Variants in VWA3A observed in about 807,000 individuals in gnomAD.
VWA3A encodes the protein von Willebrand factor A domain-containing protein 3A.
A neutral mutation model predicts 160.4 loss-of-function variants in VWA3A; 134 were observed. That is an observed-to-expected ratio of 0.84 (90% CI 0.73 to 0.96). The LOEUF (loss-of-function observed/expected upper bound fraction) is 0.96. Ranked by LOEUF, VWA3A falls within the 40% of genes least tolerant of loss-of-function variation. The probability of loss-of-function intolerance (pLI) is 0.00; values close to 1 mark genes in which losing one functional copy is unlikely to be tolerated. For missense variants in VWA3A, 1,310 were observed against 1,447.9 expected, an observed-to-expected ratio of 0.90 and a Z score of 1.55; for synonymous variants, 476 against 543.4, an observed-to-expected ratio of 0.88 and a Z score of 1.72.
At chr16:22,115,301 A>G (rs762746763) in intron 8 of VWA3A, 46 bp from the exon 9 acceptor site, 1 of 1,524,692 alleles carries the variant, frequency 6.6e-7, no homozygotes, top group Non-Finnish European at 8.8e-7. Flanking sequence ...ATGAAATTCA[A>G]TACAAACAGT....
In VWA3A at chr16:22,156,280, A is replaced by C; in HGVS notation, c.*263A>C. ...TCCCTCTCTGGGAAGCCCTAAACCAACCCCCTGCCTAAATGGTGGTGCTTC... is the reference window on the plus strand; with the variant it reads ...TCCCTCTCTGGGAAGCCCTAAACCACCCCCCTGCCTAAATGGTGGTGCTTC... On this transcript the variant is annotated 3_prime_UTR_variant, in exon 34 of 34. Coordinates refer to ENST00000389398, the MANE Select transcript of VWA3A (RefSeq NM_173615.5). 1 of 201,730 alleles carries C rather than the reference A, an allele frequency of 5.0e-6. No homozygotes were observed. Among genetic ancestry groups the C allele is most frequent in the African/African-American group, 2.4e-5 (1 of 42,386 alleles). The allele number at this position is 201,730 out of a possible 1,614,324, so 12.5% of individuals were successfully genotyped here.
At chr16:22,125,029 G>T (rs1248963877) in intron 16 of VWA3A, among the ~76,000 whole-genome samples, 3 of 152,022 alleles carry the variant, frequency 2.0e-5, no homozygotes, top group Non-Finnish European at 4.4e-5. Context: ...AAGAGGCCCA[G>T]ATACACCTAA....
At chr16:22,135,803 T>C (rs1026042912) in intron 21 of VWA3A, among the ~76,000 whole-genome samples, 1 of 152,142 alleles carries the variant, frequency 6.6e-6, no homozygotes, top group African/African-American at 2.4e-5. Flanking sequence ...TTTGGGGGTT[T>C]TTTTGAGACA....
At chr16:22,149,747 C>G in intron 28 of VWA3A, 40 bp from the exon 29 acceptor site, 1 of 1,559,370 alleles carries the variant, frequency 6.4e-7, no homozygotes, top group Non-Finnish European at 8.7e-7. Context: ...TCTCTTTCTC[C>G]CCTTCTCTGC....
At chr16:22,104,544 T>C (rs1421877763) in intron 6 of VWA3A, among the ~76,000 whole-genome samples, 2 of 152,052 alleles carry the variant, frequency 1.3e-5, no homozygotes, top group African/African-American at 4.8e-5. Flanking sequence ...CTAGGCATAG[T>C]GGTGCACACC....
At chr16:22,100,593 G>A (rs1341661466) in intron 5 of VWA3A, 100 bp downstream of exon 5, 1 of 1,173,982 alleles carries the variant, frequency 8.5e-7, no homozygotes, top group Non-Finnish European at 1.2e-6. Context: ...CCAGTACTTT[G>A]GGAGGCCGAG....
At chr16:22,115,908 A>C (rs1473850524) in intron 9 of VWA3A, among the ~76,000 whole-genome samples, 3 of 33,924 alleles carry the variant, frequency 8.8e-5, no homozygotes, top group African/African-American at 7.2e-4. Context: ...GAAGGAAGGA[A>C]GGAAGGAAGG....
intron 22 of VWA3A, 92 bp from the exon 23 acceptor site, chr16:22,140,062 A>T: frequency 7.7e-7 from 1 of 1,302,800 alleles, no homozygotes. Flanking sequence ...TCCCTACAAA[A>T]GTTCCTGATT....
intron 6 of VWA3A, among the ~76,000 whole-genome samples, chr16:22,108,714 A>C (rs2045513892): frequency 6.6e-6 from 1 of 152,244 alleles, no homozygotes; most frequent in African/African-American, 2.4e-5. Context: ...TATCAATTTC[A>C]TGTGAATGAA....
intron 28 of VWA3A, among the ~76,000 whole-genome samples, chr16:22,148,994 C>A (rs1752454685): frequency 6.6e-6 from 1 of 152,074 alleles, no homozygotes; most frequent in Non-Finnish European, 1.5e-5. Flanking sequence ...GAAGGGGACC[C>A]CAGGGGACTC....
chr16:22,155,955 C>T (rs1246183463), intron 33 of VWA3A, 39 bp downstream of exon 33: 1 of 1,591,330 alleles, frequency 6.3e-7, no homozygotes, highest in Non-Finnish European at 8.6e-7. Flanking sequence ...CCTGAGTGTG[C>T]ACTAAGCACC....
At chr16:22,117,261 C>A in intron 11 of VWA3A, 85 bp downstream of exon 11, 2 of 1,384,074 alleles carry the variant, frequency 1.4e-6, no homozygotes, top group Non-Finnish European at 2.0e-6. Flanking sequence ...GGGCCAGGAC[C>A]ATACTATATA....
intron 21 of VWA3A, 42 bp from the exon 22 acceptor site, chr16:22,138,318 C>T (rs1404946143): frequency 6.5e-7 from 1 of 1,543,838 alleles, no homozygotes; most frequent in Admixed American, 2.0e-5. Flanking sequence ...TGTGTGTCCA[C>T]AGTGGCTGGG....
In VWA3A at chr16:22,099,322, A is replaced by G. The variant is rs191554330; in HGVS notation, c.226-872A>G. ...TGCCCGTCAGTCCTCTCACTCCTTC[A>G]TGGAGGTGGTCACAGTTTGGTGCTA... On this transcript the variant is annotated intron_variant, in intron 3 of 33. Transcript: ENST00000389398. 3.0e-3 allele frequency among the ~76,000 whole-genome samples: 464 copies of G among 152,300 alleles called. 3 individuals carry two copies. The highest frequency in any genetic ancestry group is 4.0e-3 in the Non-Finnish European group (270 of 68,008).
intron 27 of VWA3A, chr16:22,147,440 C>A: frequency 1.6e-6 from 1 of 628,786 alleles, no homozygotes; most frequent in Non-Finnish European, 2.9e-6. Flanking sequence ...TAGAACTGGA[C>A]AGGAGGGGAT....
Position 22,140,192 on chromosome 16 carries a change from G to C in VWA3A, c.2331G>C (p.Pro777=). The change falls in exon 23 of 34, where the codon CCG becomes CCC. Residue 777 remains proline (P), a synonymous_variant. Transcript: ENST00000389398. ...ACCCTGACAGAGAGAAGAGCCCCCC[G>C]CTGAAATCTCTGAAATGGCGTCCAC... ...KDDPDREKSP[P]LKSLKWRPLS... The C allele has an allele frequency of 2.5e-6, 4 of 1,613,606 alleles. No individual in the cohort carries two copies. The highest frequency in any genetic ancestry group is 3.4e-6 in the Non-Finnish European group (4 of 1,179,722).
intron 18 of VWA3A, 28 bp from the exon 19 acceptor site, chr16:22,131,557 C>T (rs754097155): frequency 3.1e-6 from 5 of 1,606,638 alleles, no homozygotes; most frequent in Admixed American, 1.7e-5. Context: ...GCCAATGACC[C>T]TCAGCATGGC....
intron 31 of VWA3A, 149 bp from the exon 32 acceptor site, chr16:22,155,418 G>A: frequency 1.5e-6 from 1 of 682,318 alleles, no homozygotes; most frequent in Admixed American, 2.5e-5. Flanking sequence ...TGAGCTTCCT[G>A]ACCCTGGAGA....
rs1438516730 is a variant in VWA3A, at chr16:22,156,233, C to T, written c.*216C>T. The T allele has an allele frequency of 1.3e-5, 4 of 299,010 alleles. No individual in the cohort carries two copies. The highest frequency in any genetic ancestry group is 1.9e-5 in the Non-Finnish European group (3 of 160,470). The allele number at this position is 299,010 out of a possible 1,614,324, so 18.5% of individuals were successfully genotyped here. On this transcript the variant is annotated 3_prime_UTR_variant, in exon 34 of 34. Transcript: ENST00000389398. ...CTCCAGCCCTGTCCCGCAGCGCACT[C>T]TACTCTCCAGCCACTAGATTGTCCC... is the stretch of plus-strand genomic sequence containing the variant.
Sources: allele counts gnomAD v4.1 joint callset (sites outside exome capture counted in the v4.1 genomes callset), GRCh38; gene constraint gnomAD v4.1.1; transcripts MANE v1.5; gene names NCBI Gene and HGNC (gene_info 2026-07-23, HGNC 2026-07-21).